The following CNOT9 variants were observed in gnomAD, a reference collection of about 807,000 sequenced individuals.
CNOT9 encodes the protein RCD1 required for cell differentiation1 homolog.
Under a neutral mutation model 37.4 loss-of-function variants are expected in CNOT9, and 8 were observed. That is an observed-to-expected ratio of 0.21 (90% CI 0.13 to 0.39). The LOEUF is 0.39. Among genes scored for constraint, CNOT9 ranks in the 10% least tolerant of loss-of-function variants. The pLI is 1.00. For synonymous variants in CNOT9, 120 were observed against 137.6 expected (o/e 0.87, Z 0.90); for missense variants, 154 against 365.3 (o/e 0.42, Z 4.71).
At chr2:218,572,478 G>A (rs1271867286) in intron 1 of CNOT9, 1 of 153,592 alleles carries the variant, frequency 6.5e-6, no homozygotes, top group Non-Finnish European at 1.4e-5. Context: ...GGCCAAGGCA[G>A]GAGGATCACT....
In CNOT9 at chr2:218,595,728, G is replaced by A. The variant is rs1382572433; in HGVS notation, c.*1452G>A. On this transcript the variant is annotated 3_prime_UTR_variant, in exon 8 of 8. Transcript: ENST00000273064. ...ATTGAGGTGTCTGAACAAGCTTGGG[G>A]AGGGTCTATAAGGGGTAGGCTCAAA... The A allele has an allele frequency of 1.3e-5, 2 of 151,430 alleles. No individual in the cohort carries two copies. Among genetic ancestry groups the A allele is most frequent in the African/African-American group, 4.9e-5 (2 of 41,196 alleles). The allele number at this position is 151,430 out of a possible 1,614,324, so 9.4% of individuals were successfully genotyped here.
At chr2:218,577,300 G>C (rs1000113410) in intron 1 of CNOT9, among the ~76,000 whole-genome samples, 4 of 152,104 alleles carry the variant, frequency 2.6e-5, no homozygotes, top group Non-Finnish European at 4.4e-5. Flanking sequence ...TAAATTGGGG[G>C]TGAAATGCAA....
chr2:218,591,301 CTT>C (rs1232923050), intron 5 of CNOT9, among the ~76,000 whole-genome samples: 6 of 152,122 alleles, frequency 3.9e-5, no homozygotes, highest in East Asian at 3.8e-4. Context: ...TTTAATATCT[CTT>C]TTATGTAAGA....
At chr2:218,585,638 A>AT (rs535660050) in intron 4 of CNOT9, among the ~76,000 whole-genome samples, 29 of 41,826 alleles carry the variant, frequency 6.9e-4, no homozygotes, top group Non-Finnish European at 5.3e-4. Context: ...TTTTTATTTT[A>AT]TTTTTTTTTT....
At chr2:218,579,347 G>C (rs935404669) in intron 1 of CNOT9, among the ~76,000 whole-genome samples, 3 of 152,116 alleles carry the variant, frequency 2.0e-5, no homozygotes, top group African/African-American at 7.2e-5. Context: ...ATGCTCTTCT[G>C]TAACCCTTTT....
chr2:218,583,982 T>C (rs1694502242), intron 3 of CNOT9, among the ~76,000 whole-genome samples: 1 of 152,258 alleles, frequency 6.6e-6, no homozygotes, highest in African/African-American at 2.4e-5. Flanking sequence ...CAGGTAAGCC[T>C]GATAATGGCT....
At chr2:218,588,614 T>TTTTTTG (rs1694674039) in intron 5 of CNOT9, among the ~76,000 whole-genome samples, 2 of 116,272 alleles carry the variant, frequency 1.7e-5, no homozygotes, top group Non-Finnish European at 3.7e-5. Flanking sequence ...TTTTTTTTTT[T>TTTTTTG]GAGATGGAGT....
In CNOT9 at chr2:218,592,722, G is replaced by A. The variant is rs1409633614; in HGVS notation, c.731+15G>A. The A allele has an allele frequency of 1.6e-5, 25 of 1,596,682 alleles. No homozygotes were observed. The highest frequency in any genetic ancestry group is 2.1e-5 in the Non-Finnish European group (24 of 1,164,028). On this transcript the variant is annotated intron_variant, in intron 7 of 7. Coordinates refer to ENST00000273064, the MANE Select transcript of CNOT9 (RefSeq NM_005444.3). The surrounding 1 kb of genome is among the most constrained non-coding windows in gnomAD (Gnocchi z 4.1). Reference sequence around the variant, plus strand: ...GATAACCCCAGGTAAACATTTATAGGATGTATAGGACTTTAGGGAAATACT... The same window carrying A: ...GATAACCCCAGGTAAACATTTATAGAATGTATAGGACTTTAGGGAAATACT...
In CNOT9 at chr2:218,594,231, G is replaced by A. The variant is rs1188339776; in HGVS notation, c.855G>A (p.Glu285=). 3 of 1,614,164 alleles carry A rather than the reference G, an allele frequency of 1.9e-6. No individual in the cohort carries two copies. Among genetic ancestry groups the A allele is most frequent in the Non-Finnish European group, 2.5e-6 (3 of 1,180,004 alleles). ...CACAACTGGTGAAGAACCTGCAAGA[G>A]GGCCAGGTCACCGATCCCCGGGGTA... ...WLAQLVKNLQ[E]GQVTDPRGIP... The change falls in exon 8 of 8, where the codon GAG becomes GAA. Residue 285 remains glutamate, a synonymous_variant. Transcript: ENST00000273064.
At chr2:218,580,930 C>G (rs1465066702) in intron 2 of CNOT9, 190 bp downstream of exon 2, 6 of 672,582 alleles carry the variant, frequency 8.9e-6, no homozygotes, top group Non-Finnish European at 1.3e-5. Context: ...CCAAGAGATT[C>G]AATTTAGTCA....
intron 1 of CNOT9, among the ~76,000 whole-genome samples, chr2:218,569,492 C>T (rs1693881698): frequency 6.6e-6 from 1 of 152,200 alleles, no homozygotes; most frequent in Non-Finnish European, 1.5e-5. Context: ...TTCCTCGACA[C>T]ATCTCGTTTT....
chr2:218,571,738 ATTTT>A (rs34883423), intron 1 of CNOT9, among the ~76,000 whole-genome samples: 1 of 122,826 alleles, frequency 8.1e-6, no homozygotes, highest in Non-Finnish European at 1.7e-5. Flanking sequence ...CGCCTGGCTA[ATTTT>A]TTTTTTTTTT....
Position 218,573,365 on chromosome 2 carries a change from T to C in CNOT9, c.24+4387T>C, listed in dbSNP as rs867302535. 1.9e-4 allele frequency among the ~76,000 whole-genome samples: 29 copies of C among 151,476 alleles called. 1 individual carries two copies. In the Middle Eastern group the frequency reaches 0.017, roughly 89 times the overall value. ...ATACATTCTGGCTCTTATAAAATTATGAAGGTAAGCTAATTTAGTACTTCC... is the reference window on the plus strand; with the variant it reads ...ATACATTCTGGCTCTTATAAAATTACGAAGGTAAGCTAATTTAGTACTTCC... On this transcript the variant is annotated intron_variant, in intron 1 of 7. Coordinates refer to ENST00000273064, the MANE Select transcript of CNOT9 (RefSeq NM_005444.3).
chr2:218,574,450 G>A (rs1373877980), intron 1 of CNOT9, among the ~76,000 whole-genome samples: 1 of 152,152 alleles, frequency 6.6e-6, no homozygotes, highest in Non-Finnish European at 1.5e-5. Flanking sequence ...TCTGTGCTAA[G>A]GGAATATTAA....
At chr2:218,590,817 T>C (rs1235829802) in intron 5 of CNOT9, among the ~76,000 whole-genome samples, 1 of 151,084 alleles carries the variant, frequency 6.6e-6, no homozygotes, top group Non-Finnish European at 1.5e-5. Context: ...TTGTTGTTGT[T>C]GTTGTTTTGT....
intron 1 of CNOT9, among the ~76,000 whole-genome samples, chr2:218,577,068 C>T (rs1694194174): frequency 6.6e-6 from 1 of 151,988 alleles, no homozygotes; most frequent in Non-Finnish European, 1.5e-5. Flanking sequence ...GTTGCTAGAA[C>T]ACCTGGGTAC....
chr2:218,581,076 G>A (rs747327297), intron 2 of CNOT9: 2 of 478,502 alleles, frequency 4.2e-6, no homozygotes, highest in African/African-American at 2.0e-5. Flanking sequence ...CTACATGACA[G>A]GGGGAGGAAG....
chr2:218,584,161 G>A (rs1191028549), intron 3 of CNOT9, among the ~76,000 whole-genome samples: 1 of 152,190 alleles, frequency 6.6e-6, no homozygotes, highest in Non-Finnish European at 1.5e-5. Flanking sequence ...TAATCAGTTT[G>A]TAAGGTACTT....
At position 218,592,768 on chromosome 2, in the gene CNOT9, C is replaced by G; in HGVS notation, c.731+61C>G. 1 of 1,308,412 alleles carries G rather than the reference C, an allele frequency of 7.6e-7. No individual in the cohort carries two copies. Among genetic ancestry groups the G allele is most frequent in the Non-Finnish European group, 1.1e-6 (1 of 902,656 alleles). 81.1% of individuals were successfully genotyped at this position (1,308,412 alleles called of 1,614,324 possible). ...ATACTCTGCTGAACAGTTTCCTAAT[C>G]TCATGGCATAGCTCCTGTGTCTTTA... On this transcript the variant is annotated intron_variant, in intron 7 of 7. Coordinates refer to ENST00000273064, the MANE Select transcript of CNOT9 (RefSeq NM_005444.3). The surrounding 1 kb of genome is among the most constrained non-coding windows in gnomAD (Gnocchi z 4.1).
Sources: gnomAD v4.1 joint callset for allele counts (sites outside exome capture counted in the v4.1 genomes callset) on GRCh38, gnomAD v4.1.1 for gene constraint, Gnocchi (gnomAD v3.1) non-coding constraint, MANE v1.5 for transcripts, NCBI Gene and HGNC (gene_info 2026-07-23, HGNC 2026-07-21) for gene names.